Variants in ARHGAP25 observed in about 807,000 individuals in gnomAD.
ARHGAP25 encodes the protein Rho GTPase activating protein 25, also known as rho GTPase-activating protein 25.
Under a neutral mutation model 71.0 loss-of-function variants are expected in ARHGAP25, and 34 were observed. The observed-to-expected ratio is 0.48, with a 90% confidence interval of 0.36 to 0.64. The LOEUF (loss-of-function observed/expected upper bound fraction) is 0.64, where lower values mean the gene tolerates loss of function less well. ARHGAP25 is among the 30% of genes least tolerant of loss of function. The probability of loss-of-function intolerance (pLI) is 0.00; values close to 1 mark genes in which losing one functional copy is unlikely to be tolerated. For synonymous variants in ARHGAP25, 282 were observed against 296.5 expected, an observed-to-expected ratio of 0.95 and a Z score of 0.50; for missense variants, 706 against 805.1, an observed-to-expected ratio of 0.88 and a Z score of 1.49.
intron 1 of ARHGAP25, among the ~76,000 whole-genome samples, chr2:68,754,900 A>T (rs1045653180): frequency 6.6e-6 from 1 of 151,204 alleles, no homozygotes; most frequent in African/African-American, 2.4e-5. Context: ...TCATTAAAAA[A>T]TTTTCTTGTT....
At chr2:68,786,122 C>T (rs1678744319) in intron 3 of ARHGAP25, among the ~76,000 whole-genome samples, 1 of 152,158 alleles carries the variant, frequency 6.6e-6, no homozygotes, top group Non-Finnish European at 1.5e-5. Context: ...ATCAGCTCTC[C>T]TAACCAGAAG....
rs140979630 is a variant in ARHGAP25, at chr2:68,790,471, A to C, written c.466+2515A>C. ...CCCGTGGGCCCAGGAGGTGAGGGGC[A>C]GGGCCAGGGCTCTTTTGCCACAGCA... On this transcript the variant is annotated intron_variant, in intron 4 of 10. Transcript: ENST00000409202. Among the ~76,000 whole-genome samples the C allele has an allele frequency of 5.2e-3, 785 of 152,322 alleles. 6 individuals are homozygous for C. The highest frequency in any genetic ancestry group is 0.018 in the African/African-American group (748 of 41,570).
intron 2 of ARHGAP25, among the ~76,000 whole-genome samples, chr2:68,712,020 T>C (rs1329903643): frequency 6.6e-6 from 1 of 152,170 alleles, no homozygotes; most frequent in Non-Finnish European, 1.5e-5. Flanking sequence ...AATCCTTTGG[T>C]TATATACCCA....
chr2:68,783,777 A>G (rs1205262745), intron 3 of ARHGAP25, among the ~76,000 whole-genome samples: 2 of 151,934 alleles, frequency 1.3e-5, no homozygotes, highest in Non-Finnish European at 1.5e-5. Context: ...TTGCTTTTTC[A>G]TCTGAAGGTC....
intron 4 of ARHGAP25, among the ~76,000 whole-genome samples, chr2:68,794,896 C>T (rs1043240362): frequency 6.6e-6 from 1 of 152,076 alleles, no homozygotes; most frequent in African/African-American, 2.4e-5. Flanking sequence ...GTAAATCCAT[C>T]TGGTCCTGGG....
intron 9 of ARHGAP25, among the ~76,000 whole-genome samples, chr2:68,820,419 T>A (rs1490110018): frequency 1.3e-5 from 2 of 152,124 alleles, no homozygotes; most frequent in Non-Finnish European, 2.9e-5. Flanking sequence ...ACTAGCTTGT[T>A]ATAGAGGAGG....
intron 2 of ARHGAP25, among the ~76,000 whole-genome samples, chr2:68,723,535 A>G (rs530361432): frequency 2.0e-3 from 300 of 152,312 alleles, no homozygotes; most frequent in African/African-American, 6.8e-3. Flanking sequence ...TCCTGCATCC[A>G]GAGGCTTCTT....
At chr2:68,754,605 G>T (rs1036300952) in intron 1 of ARHGAP25, among the ~76,000 whole-genome samples, 5 of 152,300 alleles carry the variant, frequency 3.3e-5, no homozygotes, top group African/African-American at 1.2e-4. Flanking sequence ...ATTGAGGAGT[G>T]CTACTGCTGG....
rs550292566 is a variant in ARHGAP25 at position 68,816,345 on chromosome 2, C to A, written c.864C>A (p.Leu288=). ...LSILPRDNYS[L]LSYICRFLHE... The stretch of plus-strand genomic sequence containing the variant: ...TCCTTCCTCGTGACAACTATAGTCT[C>A]CTGAGCTACATCTGCAGGTGAGAGG... The change falls in exon 7 of 11, where the codon CTC becomes CTA. Residue 288 remains leucine, a synonymous_variant. Coordinates refer to ENST00000409202, the MANE Select transcript of ARHGAP25 (RefSeq NM_001007231.3). The A allele has an allele frequency of 5.6e-6, 9 of 1,613,626 alleles. No individual in the cohort carries two copies. The East Asian group carries it at 1.1e-4, about 20-fold the overall frequency.
At chr2:68,812,255 CT>C (rs1680880217) in intron 5 of ARHGAP25, among the ~76,000 whole-genome samples, 1 of 29,904 alleles carries the variant, frequency 3.3e-5, no homozygotes, top group Non-Finnish European at 6.4e-5. Context: ...ACGACACACT[CT>C]TCTTCTTGTG....
intron 5 of ARHGAP25, 113 bp downstream of exon 5, chr2:68,807,593 C>A (rs561799877): frequency 9.4e-7 from 1 of 1,068,556 alleles, no homozygotes; most frequent in Non-Finnish European, 1.4e-6. Flanking sequence ...CTTCTAAGAG[C>A]CCTGGCTTAC....
intron 4 of ARHGAP25, among the ~76,000 whole-genome samples, chr2:68,796,217 T>G (rs1679527954): frequency 6.6e-6 from 1 of 152,232 alleles, no homozygotes; most frequent in African/African-American, 2.4e-5. Flanking sequence ...TCTTGGTAAA[T>G]TTATCATTCA....
intron 4 of ARHGAP25, among the ~76,000 whole-genome samples, chr2:68,799,274 G>A (rs1460705069): frequency 6.6e-6 from 1 of 152,184 alleles, no homozygotes; most frequent in African/African-American, 2.4e-5. Context: ...CAGCCCCGGG[G>A]CCCTTCCTGA....
At chr2:68,769,871 A>G (rs372125659) in intron 1 of ARHGAP25, among the ~76,000 whole-genome samples, 1 of 152,182 alleles carries the variant, frequency 6.6e-6, no homozygotes, top group African/African-American at 2.4e-5. Context: ...ATGGGCATGG[A>G]GAAAGAGCAG....
chr2:68,796,768 G>T (rs1416983411), intron 4 of ARHGAP25, among the ~76,000 whole-genome samples: 1 of 152,182 alleles, frequency 6.6e-6, no homozygotes, highest in East Asian at 1.9e-4. Flanking sequence ...CAGGCAAGTC[G>T]ATTCTTGGGC....
At chr2:68,771,612 G>C (rs1421302794) in intron 1 of ARHGAP25, among the ~76,000 whole-genome samples, 1 of 152,166 alleles carries the variant, frequency 6.6e-6, no homozygotes, top group Non-Finnish European at 1.5e-5. Flanking sequence ...GCAACACTGT[G>C]GGCTATGGAG....
At chr2:68,728,923 GAAAT>G (rs1226221993) in intron 2 of ARHGAP25, among the ~76,000 whole-genome samples, 1 of 152,136 alleles carries the variant, frequency 6.6e-6, no homozygotes, top group African/African-American at 2.4e-5. Flanking sequence ...GCCATGAAAA[GAAAT>G]AAAGTTCTGA....
At chr2:68,737,974 G>A (rs961002854) in intron 1 of ARHGAP25, among the ~76,000 whole-genome samples, 9 of 152,200 alleles carry the variant, frequency 5.9e-5, no homozygotes, top group Non-Finnish European at 8.8e-5. Context: ...ACTCACCTGA[G>A]TCCACTACCA....
intron 4 of ARHGAP25, among the ~76,000 whole-genome samples, chr2:68,789,217 T>C (rs1340767917): frequency 6.6e-6 from 1 of 152,106 alleles, no homozygotes; most frequent in Non-Finnish European, 1.5e-5. Context: ...TTGTATTTTT[T>C]TTAGTAGAGA....
Sources: gnomAD v4.1 joint callset for allele counts (sites outside exome capture counted in the v4.1 genomes callset) on GRCh38, gnomAD v4.1.1 for gene constraint, MANE v1.5 for transcripts, NCBI Gene and HGNC (gene_info 2026-07-23, HGNC 2026-07-21) for gene names.